The following COG2 variants were observed in gnomAD, a reference collection of about 807,000 sequenced individuals.
COG2 encodes conserved oligomeric Golgi complex subunit 2.
In COG2, 52 loss-of-function variants were observed where a neutral mutation model predicts 90.6. The ratio of observed to expected loss-of-function variants is 0.57; its 90% CI spans 0.46 to 0.72. The LOEUF is 0.72. COG2 is among the 30% of genes least tolerant of loss of function. The probability of loss-of-function intolerance (pLI) is 0.00; values close to 1 mark genes in which losing one functional copy is unlikely to be tolerated. For synonymous variants in COG2, 337 were observed against 320.4 expected (o/e 1.05, Z -0.55); for missense variants, 829 against 891.2 (o/e 0.93, Z 0.89).
chr1:230,687,046 G>A lies in COG2; in HGVS notation c.1492G>A (p.Gly498Ser), dbSNP rs1169556701. ...AGGAAACACTGAAGACCAAGGAAGT[G>A]GTCCTTCGGAAACAAAGCCTGTGGT... Reference protein sequence around the residue: ...TQGNTEDQGSGPSETKPVVSI... With the variant: ...TQGNTEDQGSSPSETKPVVSI... Residue 498 changes from glycine (G) to serine (S), a missense_variant, in exon 13 of 18, where the codon GGT becomes AGT. Gly to Ser is a moderately conservative substitution (Grantham distance 56, BLOSUM62 0). Coordinates refer to ENST00000366669, the MANE Select transcript of COG2 (RefSeq NM_007357.3). The A allele has an allele frequency of 6.2e-7, 1 of 1,612,702 alleles. No individual in the cohort carries two copies. Among genetic ancestry groups the A allele is most frequent in the African/African-American group, 1.3e-5 (1 of 74,918 alleles).
Position 230,648,638 on chromosome 1 carries a change from C to T in COG2, c.72+5960C>T, listed in dbSNP as rs534404173. Among the ~76,000 whole-genome samples the T allele has an allele frequency of 3.3e-5, 5 of 152,278 alleles. No homozygotes were observed. In the East Asian group the frequency reaches 9.6e-4, roughly 29 times the overall value. ...TCTTGCAATATTATAAAATGTATTA[C>T]TTGAATAAAATGTTGAACTCATGGT... On this transcript the variant is annotated intron_variant, in intron 1 of 17. Transcript: ENST00000366669.
At chr1:230,656,026 TG>T (rs936402270) in intron 1 of COG2, among the ~76,000 whole-genome samples, 1 of 152,198 alleles carries the variant, frequency 6.6e-6, no homozygotes, top group African/African-American at 2.4e-5. Context: ...CTATCTATTT[TG>T]TTGATCTTTT....
Position 230,669,548 on chromosome 1 carries a change from C to T in COG2, c.774+13C>T, listed in dbSNP as rs567636675. ...ATACATAGACGAGGTCTGTGTACCT[C>T]CTTCAACAAACATTCATGAGCTTCT... On this transcript the variant is annotated intron_variant, in intron 7 of 17. Coordinates refer to ENST00000366669, the MANE Select transcript of COG2 (RefSeq NM_007357.3). The T allele has an allele frequency of 1.9e-6, 3 of 1,608,024 alleles. No individual in the cohort carries two copies. The highest frequency in any genetic ancestry group is 4.5e-5 in the East Asian group (2 of 44,690).
intron 1 of COG2, among the ~76,000 whole-genome samples, chr1:230,658,460 A>G (rs1031082047): frequency 2.0e-5 from 3 of 152,148 alleles, no homozygotes; most frequent in South Asian, 2.1e-4. Flanking sequence ...GATGCCAGCC[A>G]GAGCTCTCCT....
At position 230,655,176 on chromosome 1, in the gene COG2, A is replaced by G. The variant is rs148353500; in HGVS notation, c.73-4288A>G. ...GAAGAGGGCATCCCTGTCTTATGCC[A>G]GTTTTCAAAGGGAATGCTTCCAGTT... On this transcript the variant is annotated intron_variant, in intron 1 of 17. Coordinates refer to ENST00000366669, the MANE Select transcript of COG2 (RefSeq NM_007357.3). 5.9e-5 allele frequency among the ~76,000 whole-genome samples: 9 copies of G among 152,282 alleles called. No homozygotes were observed. The East Asian group carries it at 1.7e-3, about 29-fold the overall frequency.
intron 1 of COG2, among the ~76,000 whole-genome samples, chr1:230,644,931 A>G (rs1461751410): frequency 6.6e-6 from 1 of 152,148 alleles, no homozygotes; most frequent in Admixed American, 6.5e-5. Flanking sequence ...TGTGGAAAAT[A>G]TTACGTAAAT....
chr1:230,668,148 T>C (rs2102756744), intron 5 of COG2, among the ~76,000 whole-genome samples: 2 of 152,220 alleles, frequency 1.3e-5, no homozygotes, highest in South Asian at 4.2e-4. Context: ...TTTGGTATTT[T>C]AGAAATATCT....
intron 8 of COG2, among the ~76,000 whole-genome samples, chr1:230,672,728 G>A (rs914585114): frequency 6.6e-6 from 1 of 151,958 alleles, no homozygotes; most frequent in Non-Finnish European, 1.5e-5. Context: ...CTGGATTGCA[G>A]GATGTGTTGC....
At chr1:230,646,530 A>G (rs1360708306) in intron 1 of COG2, among the ~76,000 whole-genome samples, 2 of 152,014 alleles carry the variant, frequency 1.3e-5, no homozygotes, top group Non-Finnish European at 2.9e-5. Flanking sequence ...CAGGTGACCC[A>G]CTTCATGCAG....
chr1:230,668,761 C>T lies in COG2; in HGVS notation c.571C>T (p.Pro191Ser). ...TCATGCTGTTCAAAGCAAAGGCATG[C>T]CTCTTTTGGACAAAGTAAGACCGGT... ...QFHAVQSKGM[P>S]LLDKVRPRIA... The change falls in exon 6 of 18, where the codon CCT becomes TCT. Residue 191 changes from proline to serine, a missense_variant. Transcript: ENST00000366669. 4 of 1,608,666 alleles carry T rather than the reference C, an allele frequency of 2.5e-6. No homozygotes were observed. The highest frequency in any genetic ancestry group is 1.7e-6 in the Non-Finnish European group (2 of 1,176,276).
chr1:230,669,377 A>G lies in COG2; in HGVS notation c.616A>G (p.Met206Val), dbSNP rs749798475. Reference protein sequence around the residue: ...VRPRIAGITAMLQQSLEGLLL... With the variant: ...VRPRIAGITAVLQQSLEGLLL... The stretch of plus-strand genomic sequence containing the variant: ...GCAGCGTATAGCTGGCATTACAGCC[A>G]TGTTACAGCAGTCACTGGAAGGTCT... Residue 206 changes from methionine to valine, a missense_variant, in exon 7 of 18, where the codon ATG (methionine) becomes GTG (valine). Transcript: ENST00000366669. 7 of 1,613,136 alleles carry G rather than the reference A, an allele frequency of 4.3e-6. No homozygotes were observed. Among genetic ancestry groups the G allele is most frequent in the Admixed American group, 1.7e-5 (1 of 59,944 alleles).
chr1:230,649,113 CATA>C (rs1329119234), intron 1 of COG2, among the ~76,000 whole-genome samples: 1 of 152,192 alleles, frequency 6.6e-6, no homozygotes, highest in Non-Finnish European at 1.5e-5. Context: ...TCCATTTAAA[CATA>C]ATAAGTTATT....
intron 3 of COG2, 75 bp downstream of exon 3, chr1:230,660,898 C>T (rs1245349032): frequency 8.1e-6 from 8 of 989,858 alleles, no homozygotes; most frequent in African/African-American, 1.7e-5. Context: ...AAAAAAAATT[C>T]CTTTAATCTG....
intron 10 of COG2, 110 bp downstream of exon 10, chr1:230,679,162 A>C (rs527625063): frequency 3.0e-4 from 319 of 1,067,044 alleles, no homozygotes; most frequent in Non-Finnish European, 4.0e-4. Flanking sequence ...TCATCATAAT[A>C]AGCTTTGGGA....
At chr1:230,669,291 T>C in intron 6 of COG2, 65 bp from the exon 7 acceptor site, 1 of 1,448,568 alleles carries the variant, frequency 6.9e-7, no homozygotes, top group Non-Finnish European at 9.4e-7. Context: ...GTTATATATC[T>C]ACTTGCAGTT....
At chr1:230,654,720 A>T (rs1662009020) in intron 1 of COG2, among the ~76,000 whole-genome samples, 1 of 152,204 alleles carries the variant, frequency 6.6e-6, no homozygotes, top group Non-Finnish European at 1.5e-5. Context: ...GATTCTTCGT[A>T]TCCATGAGCA....
chr1:230,665,335 C>T (rs1214094014), intron 5 of COG2, among the ~76,000 whole-genome samples: 3 of 152,100 alleles, frequency 2.0e-5, no homozygotes, highest in African/African-American at 7.2e-5. Context: ...ATAGACTAGA[C>T]CCTCATACAT....
rs564487594 is a variant in COG2, at chr1:230,676,536, C to T, written c.1026+1412C>T. On this transcript the variant is annotated intron_variant, in intron 9 of 17. Coordinates refer to ENST00000366669, the MANE Select transcript of COG2 (RefSeq NM_007357.3). ...TGTTTCCTCGCTCGTACTTCTATTA[C>T]GTTTTTTTTAAAATCTTAAAAACTG... 2.2e-4 allele frequency among the ~76,000 whole-genome samples: 34 copies of T among 152,226 alleles called. No individual in the cohort carries two copies. In the South Asian group the frequency reaches 2.5e-3, roughly 11 times the overall value.
At chr1:230,673,336 T>TG (rs1214281521) in intron 8 of COG2, among the ~76,000 whole-genome samples, 1 of 152,212 alleles carries the variant, frequency 6.6e-6, no homozygotes, top group East Asian at 1.9e-4. Context: ...TGCATATCCC[T>TG]TTCCTTCCCT....
Sources: gnomAD v4.1 joint callset for allele counts (sites outside exome capture counted in the v4.1 genomes callset) on GRCh38, gnomAD v4.1.1 for gene constraint, MANE v1.5 for transcripts, NCBI Gene and HGNC (gene_info 2026-07-23, HGNC 2026-07-21) for gene names.